Variants in RASSF8 observed in about 807,000 individuals in gnomAD.
RASSF8 encodes Ras association domain family member 8.
RASSF8 carries 22 observed loss-of-function variants against 48.5 expected under a neutral mutation model. That is an observed-to-expected ratio of 0.45 (90% confidence interval 0.32 to 0.65). The LOEUF (loss-of-function observed/expected upper bound fraction) is 0.65, where lower values mean the gene tolerates loss of function less well. RASSF8 is among the 30% of genes least tolerant of loss of function. The probability of loss-of-function intolerance (pLI) is 0.03; values close to 1 mark genes in which losing one functional copy is unlikely to be tolerated. For missense variants in RASSF8, 418 were observed against 489.2 expected (o/e 0.85, Z 1.37); for synonymous variants, 127 against 171.5 (o/e 0.74, Z 2.03).
chr12:26,074,905 G>A (rs756764646), downstream of RASSF8, among the ~76,000 whole-genome samples: 3 of 152,124 alleles, frequency 2.0e-5, no homozygotes, highest in Non-Finnish European at 4.4e-5. Context: ...ATGGTAAGGA[G>A]TTTGGACTTT....
chr12:26,051,339 C>T (rs1015330939), intron 2 of RASSF8, among the ~76,000 whole-genome samples: 2 of 152,006 alleles, frequency 1.3e-5, no homozygotes, highest in African/African-American at 2.4e-5. Context: ...AATGCTGGCA[C>T]CTGAAGGTAA....
intron 5 of RASSF8, among the ~76,000 whole-genome samples, chr12:26,078,226 A>T (rs1455101012): frequency 6.6e-6 from 1 of 152,248 alleles, no homozygotes; most frequent in Non-Finnish European, 1.5e-5. Flanking sequence ...GAAGCAAAAA[A>T]TTAGTATCTT....
downstream of RASSF8, among the ~76,000 whole-genome samples, chr12:26,073,400 T>G (rs76090800): frequency 6.5e-3 from 990 of 152,320 alleles, 7 homozygotes; most frequent in Non-Finnish European, 0.012. Context: ...AATTGTCATT[T>G]TTATAGGAAT....
Position 26,006,169 on chromosome 12 carries a change from G to A in RASSF8, c.-109+11039G>A, listed in dbSNP as rs199742691. ...AGCCTTGATTTCTTCCTGGTCTCTG[G>A]CTTCATCCTTATCTCTATCCTTTTC... On this transcript the variant is annotated intron_variant, in intron 2 of 5. Transcript: ENST00000689635. 9.9e-5 allele frequency among the ~76,000 whole-genome samples: 15 copies of A among 152,200 alleles called. No homozygotes were observed. In the East Asian group the frequency reaches 1.4e-3, roughly 14 times the overall value.
intron 1 of RASSF8, among the ~76,000 whole-genome samples, chr12:25,971,427 T>G (rs1941481209): frequency 6.6e-6 from 1 of 152,192 alleles, no homozygotes. Context: ...TGGGCCAAGT[T>G]CCCACCTTTG....
rs57400457 is a variant in RASSF8 at position 26,017,568 on chromosome 12, C to T, written c.-109+22438C>T. On this transcript the variant is annotated intron_variant, in intron 2 of 5. Coordinates refer to ENST00000689635, the MANE Select transcript of RASSF8 (RefSeq NM_001394098.1). ...GAAGTCACCTTGTTGATGGAACTTA[C>T]CAGTAATCCACTTTACTAGGGAGGT... Among the ~76,000 whole-genome samples, 469 of 152,308 alleles carry T rather than the reference C, an allele frequency of 3.1e-3. 3 individuals are homozygous for T. The highest frequency in any genetic ancestry group is 0.011 in the African/African-American group (457 of 41,556).
At chr12:26,029,708 T>C (rs1942988213) in intron 2 of RASSF8, among the ~76,000 whole-genome samples, 1 of 152,204 alleles carries the variant, frequency 6.6e-6, no homozygotes, top group Non-Finnish European at 1.5e-5. Flanking sequence ...TATTAAAACT[T>C]AAAACTTCTC....
chr12:26,050,706 T>C (rs967301675), intron 2 of RASSF8, among the ~76,000 whole-genome samples: 1 of 152,230 alleles, frequency 6.6e-6, no homozygotes, highest in East Asian at 1.9e-4. Flanking sequence ...TTCAGACATA[T>C]TTTATTTAGG....
At chr12:26,076,142 CTCTT>C (rs1944070050), downstream of RASSF8, among the ~76,000 whole-genome samples, 2 of 152,158 alleles carry the variant, frequency 1.3e-5, no homozygotes, top group South Asian at 4.1e-4. Flanking sequence ...CCCTAGTCTT[CTCTT>C]TCCCAGGCTA....
intron 1 of RASSF8, among the ~76,000 whole-genome samples, chr12:25,981,833 G>C (rs970194152): frequency 6.6e-6 from 1 of 152,148 alleles, no homozygotes; most frequent in African/African-American, 2.4e-5. Flanking sequence ...GATTATTTCT[G>C]TATTACAGCG....
At chr12:25,995,681 G>T (rs1419840258) in intron 2 of RASSF8, among the ~76,000 whole-genome samples, 1 of 152,018 alleles carries the variant, frequency 6.6e-6, no homozygotes, top group African/African-American at 2.4e-5. Context: ...ATCTCCTTAG[G>T]TAAGGATATT....
At chr12:26,031,614 A>C (rs1377646252) in intron 2 of RASSF8, among the ~76,000 whole-genome samples, 1 of 152,170 alleles carries the variant, frequency 6.6e-6, no homozygotes, top group African/African-American at 2.4e-5. Flanking sequence ...GTTTGGAACT[A>C]TTGCTGTTGG....
intron 1 of RASSF8, among the ~76,000 whole-genome samples, chr12:25,994,778 A>G (rs1476419875): frequency 2.0e-5 from 3 of 152,214 alleles, no homozygotes; most frequent in Non-Finnish European, 2.9e-5. Context: ...ATGACCTTTT[A>G]TAGAAACAAC....
intron 1 of RASSF8, among the ~76,000 whole-genome samples, chr12:25,972,345 C>T (rs1941503452): frequency 6.6e-6 from 1 of 151,760 alleles, no homozygotes; most frequent in African/African-American, 2.4e-5. Context: ...ACAGTAAGTA[C>T]ATAAATATTA....
At chr12:26,016,501 A>G (rs1942653194) in intron 2 of RASSF8, among the ~76,000 whole-genome samples, 1 of 152,170 alleles carries the variant, frequency 6.6e-6, no homozygotes, top group African/African-American at 2.4e-5. Flanking sequence ...AACCTGGGGT[A>G]CAGGAAGGGG....
chr12:26,065,609 TA>T (rs1943856239), intron 4 of RASSF8, among the ~76,000 whole-genome samples: 1 of 152,318 alleles, frequency 6.6e-6, no homozygotes. Flanking sequence ...GTGACAGTTG[TA>T]GCGTTAGATA....
At chr12:26,017,992 G>T (rs1942692462) in intron 2 of RASSF8, among the ~76,000 whole-genome samples, 1 of 152,244 alleles carries the variant, frequency 6.6e-6, no homozygotes, top group African/African-American at 2.4e-5. Context: ...ATGATAGTTT[G>T]TGAGATCACG....
intron 2 of RASSF8, among the ~76,000 whole-genome samples, chr12:26,000,158 T>C (rs958236672): frequency 3.9e-5 from 6 of 152,198 alleles, no homozygotes; most frequent in Non-Finnish European, 8.8e-5. Context: ...TAGACATTAA[T>C]TTGAAAATGG....
intron 2 of RASSF8, among the ~76,000 whole-genome samples, chr12:26,013,337 T>C (rs1942574246): frequency 6.6e-6 from 1 of 152,202 alleles, no homozygotes; most frequent in Non-Finnish European, 1.5e-5. Context: ...TTTTAAGTAG[T>C]GAGTATATTT....
Sources: gnomAD v4.1 joint callset for allele counts (sites outside exome capture counted in the v4.1 genomes callset) on GRCh38, gnomAD v4.1.1 for gene constraint, MANE v1.5 for transcripts, NCBI Gene and HGNC (gene_info 2026-07-23, HGNC 2026-07-21) for gene names.